The following THY1 variants were observed in gnomAD, a reference collection of about 807,000 sequenced individuals.
THY1 encodes the protein Thy-1 cell surface antigen, also known as thy-1 membrane glycoprotein.
In THY1, 10 loss-of-function variants were observed where a neutral mutation model predicts 14.9. The ratio of observed to expected loss-of-function variants is 0.67; its 90% CI spans 0.41 to 1.14. The LOEUF (loss-of-function observed/expected upper bound fraction) is 1.14. Among genes scored for constraint, THY1 ranks in the 50% most tolerant of loss-of-function variants. The probability of loss-of-function intolerance (pLI) is 0.00; values close to 1 mark genes in which losing one functional copy is unlikely to be tolerated. For missense variants in THY1, 159 were observed against 202.1 expected, an observed-to-expected ratio of 0.79 and a Z score of 1.29; for synonymous variants, 80 against 90.0, an observed-to-expected ratio of 0.89 and a Z score of 0.63.
rs556322147 is a variant in THY1 at position 119,416,792 on chromosome 11, T to C, written c.*2616A>G. On this transcript the variant is annotated 3_prime_UTR_variant, in exon 4 of 4. Coordinates refer to ENST00000284240, the MANE Select transcript of THY1 (RefSeq NM_006288.5). ...TTGCGTTGTGAGGCCTGATGCCCTG[T>C]TCTTCTCTTCTCCTTTCCGAAGTCC... Among the ~76,000 whole-genome samples, 32 of 152,352 alleles carry C rather than the reference T, an allele frequency of 2.1e-4. No homozygotes were observed. The South Asian group carries it at 6.6e-3, about 32-fold the overall frequency.
chr11:119,416,433 C>T lies in THY1; in HGVS notation c.*2975G>A, dbSNP rs941840885. Among the ~76,000 whole-genome samples the T allele has an allele frequency of 1.3e-5, 2 of 152,296 alleles. No homozygotes were observed. The highest frequency in any genetic ancestry group is 1.9e-4 in the East Asian group (1 of 5,182). On this transcript the variant is annotated 3_prime_UTR_variant, in exon 4 of 4. Coordinates refer to ENST00000284240, the MANE Select transcript of THY1 (RefSeq NM_006288.5). ...GTCGCGGCCTGTGGCTGAAAGTCTG[C>T]GGGCTCCCAGTCCTCAGCATGGTCA...
chr11:119,419,915 G>A (rs1861862743), intron 3 of THY1, 136 bp downstream of exon 3: 2 of 982,346 alleles, frequency 2.0e-6, no homozygotes, highest in Non-Finnish European at 2.9e-6. Flanking sequence ...TGGTTCCCCA[G>A]TTGACCAGGC....
chr11:119,416,273 T>G lies in THY1; in HGVS notation c.*3135A>C, dbSNP rs1591356143. On this transcript the variant is annotated 3_prime_UTR_variant, in exon 4 of 4. Coordinates refer to ENST00000284240, the MANE Select transcript of THY1 (RefSeq NM_006288.5). ...AAAGAGGTTAGGACTGGCGAGGGAG[T>G]GGATGGGGATGGGGTTGGGGCATGT... is the stretch of plus-strand genomic sequence containing the variant. 6.7e-6 allele frequency among the ~76,000 whole-genome samples: 1 copy of G among 149,402 alleles called. No individual in the cohort carries two copies. Among genetic ancestry groups the G allele is most frequent in the African/African-American group, 2.5e-5 (1 of 40,356 alleles).
Position 119,420,831 on chromosome 11 carries a change from G to A in THY1, c.37+38C>T. 3 of 1,613,592 alleles carry A rather than the reference G, an allele frequency of 1.9e-6. No individual in the cohort carries two copies. In the East Asian group the frequency reaches 6.7e-5, roughly 36 times the overall value. On this transcript the variant is annotated intron_variant, in intron 2 of 3. Transcript: ENST00000284240. Reference sequence around the variant, plus strand: ...TGCTTCTCTGGAGGGAAGGAAGCCAGGGCGCCTGGAGCCCCAGTCCTGCCC... The same window carrying A: ...TGCTTCTCTGGAGGGAAGGAAGCCAAGGCGCCTGGAGCCCCAGTCCTGCCC...
Position 119,419,121 on chromosome 11 carries a change from T to G in THY1, c.*287A>C. ...CAGGTCCCCAATCCTGGCTTCCCTC[T>G]TCACGAACTCTCAAAGAAAAGGAAG... On this transcript the variant is annotated 3_prime_UTR_variant, in exon 4 of 4. Coordinates refer to ENST00000284240, the MANE Select transcript of THY1 (RefSeq NM_006288.5). 2.5e-6 allele frequency: 1 copy of G among 401,582 alleles called. No homozygotes were observed. Among genetic ancestry groups the G allele is most frequent in the Non-Finnish European group, 4.8e-6 (1 of 209,638 alleles). The allele number at this position is 401,582 out of a possible 1,614,324, so 24.9% of individuals were successfully genotyped here. A position where few individuals can be genotyped will look rare whatever the true frequency, so the allele number is the denominator to read the frequency against.
In THY1 at chr11:119,422,253, G is replaced by T. The variant is rs565070408; in HGVS notation, c.-25+860C>A. ...GCCCTGAGCCAGATCCAGGAGGAAGGGGGGTCGGCATCTGGCTTTTGAATC... is the reference window on the plus strand; with the variant it reads ...GCCCTGAGCCAGATCCAGGAGGAAGTGGGGTCGGCATCTGGCTTTTGAATC... On this transcript the variant is annotated intron_variant, in intron 1 of 3. Coordinates refer to ENST00000284240, the MANE Select transcript of THY1 (RefSeq NM_006288.5). This position sits in a 1 kb window ranked among gnomAD's most constrained non-coding sequence, Gnocchi z 7.0. The T allele has an allele frequency of 1.3e-5, 2 of 152,442 alleles. No individual in the cohort carries two copies. Among genetic ancestry groups the T allele is most frequent in the Non-Finnish European group, 2.9e-5 (2 of 68,234 alleles). The allele number at this position is 152,442 out of a possible 1,614,324, so 9.4% of individuals were successfully genotyped here. A position where few individuals can be genotyped will look rare whatever the true frequency, so the allele number is the denominator to read the frequency against.
Position 119,419,355 on chromosome 11 carries a change from G to C in THY1, c.*53C>G. ...GGGGGTCAGCTGACTCAGAGAAGTAGGATCTCTGCACTGGAACTTGAGGCT... is the reference window on the plus strand; with the variant it reads ...GGGGGTCAGCTGACTCAGAGAAGTACGATCTCTGCACTGGAACTTGAGGCT... On this transcript the variant is annotated 3_prime_UTR_variant, in exon 4 of 4. Transcript: ENST00000284240. The C allele has an allele frequency of 6.7e-7, 1 of 1,490,392 alleles. No individual in the cohort carries two copies. The highest frequency in any genetic ancestry group is 9.3e-7 in the Non-Finnish European group (1 of 1,074,574). 92.3% of individuals were successfully genotyped at this position (1,490,392 alleles called of 1,614,324 possible).
chr11:119,418,847 T>G lies in THY1; in HGVS notation c.*561A>C, dbSNP rs1304682984. The G allele has an allele frequency of 3.7e-5, 6 of 163,136 alleles. No individual in the cohort carries two copies. 10.1% of individuals were successfully genotyped at this position (163,136 alleles called of 1,614,324 possible). A position where few individuals can be genotyped will look rare whatever the true frequency, so the allele number is the denominator to read the frequency against. On this transcript the variant is annotated 3_prime_UTR_variant, in exon 4 of 4. Coordinates refer to ENST00000284240, the MANE Select transcript of THY1 (RefSeq NM_006288.5). Reference sequence around the variant, plus strand: ...TTGTGGCTGAGAATGCTGGAGATGCTCAGTTCTCTCCCTCACAAGGTAGGC... The same window carrying G: ...TTGTGGCTGAGAATGCTGGAGATGCGCAGTTCTCTCCCTCACAAGGTAGGC...
upstream of THY1, chr11:119,423,407 C>T (rs1020939816): frequency 2.8e-6 from 1 of 355,462 alleles, no homozygotes; most frequent in Non-Finnish European, 5.6e-6. Context: ...GGGTTCGGGA[C>T]CCCGGGGATC....
chr11:119,420,599 G>T, intron 2 of THY1: 1 of 633,864 alleles, frequency 1.6e-6, no homozygotes, highest in Non-Finnish European at 2.7e-6. Flanking sequence ...TGTGTTTCAA[G>T]GACAGGAGAT....
At chr11:119,424,378 A>T (rs1056647835), upstream of THY1, among the ~76,000 whole-genome samples, 5 of 152,136 alleles carry the variant, frequency 3.3e-5, no homozygotes, top group Non-Finnish European at 7.4e-5. Context: ...TCTGATCACG[A>T]CATTCTGTGG....
chr11:119,419,607 C>T, intron 3 of THY1, 87 bp from the exon 4 acceptor site: 1 of 1,076,844 alleles, frequency 9.3e-7, no homozygotes, highest in South Asian at 1.3e-5. Flanking sequence ...CAAGGGTGTA[C>T]TCCCTTTGGG....
In THY1 at chr11:119,420,200, C is replaced by T. The variant is rs367864457; in HGVS notation, c.224G>A (p.Arg75His). 52 of 1,614,124 alleles carry T rather than the reference C, an allele frequency of 3.2e-5. No individual in the cohort carries two copies. The highest frequency in any genetic ancestry group is 1.3e-4 in the East Asian group (6 of 44,904). Reference protein sequence around the residue: ...GTVGVPEHTYRSRTNFTSKYN... With the variant: ...GTVGVPEHTYHSRTNFTSKYN... Reference sequence around the variant, plus strand: ...TTTGCTGGTGAAGTTGGTTCGGGAGCGGTATGTGTGCTCAGGCACCCCCAC... The same window carrying T: ...TTTGCTGGTGAAGTTGGTTCGGGAGTGGTATGTGTGCTCAGGCACCCCCAC... The change falls in exon 3 of 4, where the codon CGC becomes CAC. Residue 75 changes from arginine to histidine, a missense_variant. By Grantham distance (29) the Arg-to-His change is conservative. Coordinates refer to ENST00000284240, the MANE Select transcript of THY1 (RefSeq NM_006288.5).
At position 119,419,302 on chromosome 11, in the gene THY1, C is replaced by T; in HGVS notation, c.*106G>A. 9.6e-7 allele frequency: 1 copy of T among 1,045,906 alleles called. No individual in the cohort carries two copies. Among genetic ancestry groups the T allele is most frequent in the South Asian group, 1.4e-5 (1 of 73,600 alleles). The allele number at this position is 1,045,906 out of a possible 1,614,324, so 64.8% of individuals were successfully genotyped here. A position where few individuals can be genotyped will look rare whatever the true frequency, so the allele number is the denominator to read the frequency against. On this transcript the variant is annotated 3_prime_UTR_variant, in exon 4 of 4. Coordinates refer to ENST00000284240, the MANE Select transcript of THY1 (RefSeq NM_006288.5). ...CTGATGAGGGGTGGGGTCCCCACTTCTCCTCAAGGTTTGAGGGATTGGGGG... is the reference window on the plus strand; with the variant it reads ...CTGATGAGGGGTGGGGTCCCCACTTTTCCTCAAGGTTTGAGGGATTGGGGG...
rs183560972 is a variant in THY1, at chr11:119,418,233, A to G, written c.*1175T>C. 316 of 152,488 alleles carry G rather than the reference A, an allele frequency of 2.1e-3. No homozygotes were observed. The highest frequency in any genetic ancestry group is 3.5e-3 in the Non-Finnish European group (239 of 68,134). 9.4% of individuals were successfully genotyped at this position (152,488 alleles called of 1,614,324 possible). A position where few individuals can be genotyped will look rare whatever the true frequency, so the allele number is the denominator to read the frequency against. ...TTTTCTTTGTCCTCAATGAGATGCC[A>G]TAAGCTGTGGTGGCACTATACACAG... On this transcript the variant is annotated 3_prime_UTR_variant, in exon 4 of 4. Coordinates refer to ENST00000284240, the MANE Select transcript of THY1 (RefSeq NM_006288.5).
upstream of THY1, among the ~76,000 whole-genome samples, chr11:119,424,326 G>A (rs1349379849): frequency 1.3e-5 from 2 of 152,144 alleles, no homozygotes; most frequent in East Asian, 1.9e-4. Flanking sequence ...TTGAACTAAC[G>A]TTTATTTGAT....
intron 1 of THY1, 140 bp from the exon 2 acceptor site, chr11:119,421,069 A>C: frequency 7.2e-5 from 50 of 691,282 alleles, no homozygotes; most frequent in Non-Finnish European, 1.2e-4. Context: ...CCTGCATCTC[A>C]CTGAACATGA....
In THY1 at chr11:119,416,116, A is replaced by G. The variant is rs1300826078; in HGVS notation, c.*3292T>C. On this transcript the variant is annotated 3_prime_UTR_variant, in exon 4 of 4. Transcript: ENST00000284240. The stretch of plus-strand genomic sequence containing the variant: ...CCGAGGAAGCCTCTAGATGTCAGAG[A>G]TGCAGACATTGCGCGTCTCAGTGGA... Among the ~76,000 whole-genome samples the G allele has an allele frequency of 6.6e-6, 1 of 152,146 alleles. No individual in the cohort carries two copies. The highest frequency in any genetic ancestry group is 1.5e-5 in the Non-Finnish European group (1 of 68,028).
Position 119,420,485 on chromosome 11 carries a change from C to T in THY1, c.38-99G>A, listed in dbSNP as rs998067068. 39 of 1,207,810 alleles carry T rather than the reference C, an allele frequency of 3.2e-5. No homozygotes were observed. In the Admixed American group the frequency reaches 5.2e-4, roughly 16 times the overall value. 74.8% of individuals were successfully genotyped at this position (1,207,810 alleles called of 1,614,324 possible). On this transcript the variant is annotated intron_variant, in intron 2 of 3. Coordinates refer to ENST00000284240, the MANE Select transcript of THY1 (RefSeq NM_006288.5). The stretch of plus-strand genomic sequence containing the variant: ...AGATGGGCCTGGCTAGGGAGGGGAC[C>T]GGGGTCTGCTCTCTGAGTGCCTTTC...
Sources: gnomAD v4.1 joint callset for allele counts (sites outside exome capture counted in the v4.1 genomes callset) on GRCh38, gnomAD v4.1.1 for gene constraint, Gnocchi (gnomAD v3.1) non-coding constraint, MANE v1.5 for transcripts, NCBI Gene and HGNC (gene_info 2026-07-23, HGNC 2026-07-21) for gene names.